Variants in ANO2 observed in about 807,000 individuals in gnomAD.
ANO2 encodes anoctamin-2.
Under a neutral mutation model 124.2 loss-of-function variants are expected in ANO2, and 101 were observed. The ratio of observed to expected loss-of-function variants is 0.81; its 90% CI spans 0.69 to 0.96. The LOEUF is 0.96. Ranked by LOEUF, ANO2 falls within the 40% of genes least tolerant of loss-of-function variation. The probability of loss-of-function intolerance (pLI) is 0.00; values close to 1 mark genes in which losing one functional copy is unlikely to be tolerated. For missense variants in ANO2, 1,293 were observed against 1,274.5 expected, an observed-to-expected ratio of 1.01 and a Z score of -0.22; for synonymous variants, 486 against 482.5, an observed-to-expected ratio of 1.01 and a Z score of -0.09.
At chr12:5,573,548 T>C (rs1405079045) in intron 23 of ANO2, among the ~76,000 whole-genome samples, 4 of 152,200 alleles carry the variant, frequency 2.6e-5, no homozygotes, top group African/African-American at 9.7e-5. Flanking sequence ...GCTGTGGAAC[T>C]ATGTCGCTGG....
At chr12:5,592,458 G>A (rs1943444590) in intron 20 of ANO2, among the ~76,000 whole-genome samples, 1 of 152,146 alleles carries the variant, frequency 6.6e-6, no homozygotes, top group Admixed American at 6.5e-5. Flanking sequence ...AATTGGACGT[G>A]AGAGTGTGAG....
At chr12:5,916,098 G>A (rs1186065975) in intron 3 of ANO2, among the ~76,000 whole-genome samples, 1 of 152,018 alleles carries the variant, frequency 6.6e-6, no homozygotes, top group Non-Finnish European at 1.5e-5. Context: ...GCAACATGGT[G>A]AAGCCCCGTC....
chr12:5,827,707 A>AGCAC (rs1954010297), intron 7 of ANO2, 62 bp downstream of exon 7: 1 of 1,551,946 alleles, frequency 6.4e-7, no homozygotes, highest in African/African-American at 1.4e-5. Context: ...AGCTGTTGAA[A>AGCAC]GCACGGGGCG....
chr12:5,827,834 A>T lies in ANO2; in HGVS notation c.841-14T>A. 6.2e-7 allele frequency: 1 copy of T among 1,607,862 alleles called. No individual in the cohort carries two copies. The highest frequency in any genetic ancestry group is 2.2e-5 in the East Asian group (1 of 44,606). ...GATCTCGTGCACCTAAAAGGGGACG[A>T]CAGCAGAGCTGTGAGCTCCTAGTTC... is the stretch of plus-strand genomic sequence containing the variant. On this transcript the variant is annotated splice_polypyrimidine_tract_variant and intron_variant, in intron 6 of 24. Coordinates refer to ENST00000682330, the MANE Select transcript of ANO2 (RefSeq NM_001364791.2).
chr12:5,769,001 C>T lies in ANO2; in HGVS notation c.1056-18031G>A, dbSNP rs1239448255. Among the ~76,000 whole-genome samples, 1 of 152,110 alleles carries T rather than the reference C, an allele frequency of 6.6e-6. No homozygotes were observed. Among genetic ancestry groups the T allele is most frequent in the East Asian group, 1.9e-4 (1 of 5,196 alleles). On this transcript the variant is annotated intron_variant, in intron 10 of 24. Coordinates refer to ENST00000682330, the MANE Select transcript of ANO2 (RefSeq NM_001364791.2). This position sits in a 1 kb window ranked among gnomAD's most constrained non-coding sequence, Gnocchi z 4.0. ...AGTACAGTAACAAGAGGGCTGGGCT[C>T]GGGATGGCAGCGCTGTGGAAGCTGG... is the stretch of plus-strand genomic sequence containing the variant.
intron 9 of ANO2, among the ~76,000 whole-genome samples, chr12:5,802,503 C>A (rs2137167290): frequency 6.6e-6 from 1 of 152,280 alleles, no homozygotes; most frequent in East Asian, 1.9e-4. Flanking sequence ...GTGCTGTAGA[C>A]CCTTCCCAAT....
chr12:5,867,778 GAAAAAAAAAA>G (rs10622876), intron 3 of ANO2, among the ~76,000 whole-genome samples: 1 of 78,550 alleles, frequency 1.3e-5, no homozygotes, highest in African/African-American at 4.7e-5. Context: ...GCACTATAAT[GAAAAAAAAAA>G]AAAAAAAAAA....
intron 14 of ANO2, among the ~76,000 whole-genome samples, chr12:5,663,779 G>A (rs866867867): frequency 6.6e-6 from 1 of 152,188 alleles, no homozygotes; most frequent in Non-Finnish European, 1.5e-5. Flanking sequence ...ACCCTCAAGA[G>A]GGGTTAAGAT....
At chr12:5,802,806 T>A (rs1158295124) in intron 9 of ANO2, among the ~76,000 whole-genome samples, 23 of 152,240 alleles carry the variant, frequency 1.5e-4, no homozygotes, top group Admixed American at 1.4e-3. Context: ...AGGGAGAGAC[T>A]ACTGCTCCTT....
intron 10 of ANO2, among the ~76,000 whole-genome samples, chr12:5,782,609 G>C (rs563971977): frequency 2.0e-4 from 30 of 152,216 alleles, no homozygotes; most frequent in Non-Finnish European, 2.6e-4. Context: ...TGGCAGAAAA[G>C]GTAGTCCTGC....
intron 16 of ANO2, among the ~76,000 whole-genome samples, chr12:5,622,046 T>G (rs1351190083): frequency 6.6e-6 from 1 of 152,112 alleles, no homozygotes; most frequent in Non-Finnish European, 1.5e-5. Context: ...GCAAGAAAAT[T>G]TAAGCCCATG....
At position 5,695,633 on chromosome 12, in the gene ANO2, GA is replaced by G. The variant is rs1476488453; in HGVS notation, c.1545+36886del. On this transcript the variant is annotated intron_variant, in intron 14 of 24. Transcript: ENST00000682330. ...AGGCAGGCAGATCACCTGAGGTCAG[GA>G]GTTCGAAACCAGCCTGGCCTACATG... 5.3e-5 allele frequency among the ~76,000 whole-genome samples: 8 copies of G among 152,316 alleles called. No individual in the cohort carries two copies. The East Asian group carries it at 1.5e-3, about 29-fold the overall frequency.
intron 13 of ANO2, among the ~76,000 whole-genome samples, chr12:5,736,134 G>A (rs2137072256): frequency 6.6e-6 from 1 of 152,354 alleles, no homozygotes; most frequent in East Asian, 1.9e-4. Context: ...CCATGATGAT[G>A]TCCACAGGGA....
intron 22 of ANO2, among the ~76,000 whole-genome samples, chr12:5,576,435 C>T (rs1942416086): frequency 6.6e-6 from 1 of 152,148 alleles, no homozygotes. Flanking sequence ...GTACATCTGC[C>T]CCTGAGTAGT....
intron 16 of ANO2, among the ~76,000 whole-genome samples, chr12:5,625,849 T>G (rs1202489257): frequency 6.6e-6 from 1 of 152,166 alleles, no homozygotes; most frequent in Non-Finnish European, 1.5e-5. Flanking sequence ...GGGCTGGAAG[T>G]CAGAAGACCT....
intron 11 of ANO2, among the ~76,000 whole-genome samples, chr12:5,749,897 A>G (rs1017818792): frequency 1.3e-5 from 2 of 152,060 alleles, no homozygotes; most frequent in African/African-American, 2.4e-5. Context: ...TGGCTAATAT[A>G]TAACATTGTC....
chr12:5,917,640 T>C (rs1941461977), intron 3 of ANO2, among the ~76,000 whole-genome samples: 1 of 148,500 alleles, frequency 6.7e-6, no homozygotes, highest in South Asian at 2.2e-4. Context: ...CCATCTCAGC[T>C]CACTGCAACT....
chr12:5,736,761 T>C (rs1950882312), intron 13 of ANO2, among the ~76,000 whole-genome samples: 1 of 152,170 alleles, frequency 6.6e-6, no homozygotes. Context: ...CACCACTGCA[T>C]ACTGAGCCCT....
At chr12:5,899,002 A>T (rs1444002456) in intron 3 of ANO2, among the ~76,000 whole-genome samples, 3 of 152,166 alleles carry the variant, frequency 2.0e-5, no homozygotes, top group Non-Finnish European at 4.4e-5. Context: ...CAAGGAAAAA[A>T]GTTGAGCCTG....
Sources: allele counts gnomAD v4.1 joint callset (sites outside exome capture counted in the v4.1 genomes callset), GRCh38; gene constraint gnomAD v4.1.1; non-coding constraint Gnocchi (gnomAD v3.1); transcripts MANE v1.5; gene names NCBI Gene and HGNC (gene_info 2026-07-23, HGNC 2026-07-21).